ARRB1: variants seen among roughly 807,000 people sequenced by gnomAD.
ARRB1 encodes arrestin beta 1.
ARRB1 carries 21 observed loss-of-function variants against 56.8 expected under a neutral mutation model. That is an observed-to-expected ratio of 0.37 (90% CI 0.26 to 0.53). ARRB1 has a LOEUF of 0.53. Among genes scored for constraint, ARRB1 ranks in the 20% least tolerant of loss-of-function variants. The pLI is 0.88. For synonymous variants in ARRB1, 210 were observed against 218.6 expected (o/e 0.96, Z 0.35); for missense variants, 424 against 553.7 (o/e 0.77, Z 2.35).
At chr11:75,327,301 CAAA>C (rs777940901) in intron 1 of ARRB1, among the ~76,000 whole-genome samples, 4 of 60,266 alleles carry the variant, frequency 6.6e-5, no homozygotes, top group South Asian at 8.8e-4. Flanking sequence ...AACTCCATCT[CAAA>C]AAAAAAAAAA....
chr11:75,307,913 G>T (rs1947066788), intron 1 of ARRB1, among the ~76,000 whole-genome samples: 1 of 152,242 alleles, frequency 6.6e-6, no homozygotes, highest in Non-Finnish European at 1.5e-5. Context: ...ATGTGACCCA[G>T]ATGGGTATCC....
chr11:75,305,010 C>CT (rs1389773854), intron 1 of ARRB1, among the ~76,000 whole-genome samples: 82 of 104,638 alleles, frequency 7.8e-4, no homozygotes, highest in Middle Eastern at 4.7e-3. Context: ...CTTTTCTTTT[C>CT]TTTCTTTCTT....
chr11:75,276,462 G>A (rs1325326486), intron 10 of ARRB1, among the ~76,000 whole-genome samples: 1 of 152,146 alleles, frequency 6.6e-6, no homozygotes, highest in African/African-American at 2.4e-5. Context: ...CAAGAGCTGT[G>A]TACCTAGTGC....
intron 2 of ARRB1, among the ~76,000 whole-genome samples, chr11:75,289,525 C>T (rs1946555906): frequency 6.6e-6 from 1 of 152,278 alleles, no homozygotes; most frequent in East Asian, 1.9e-4. Flanking sequence ...TCAGCCCAGA[C>T]CTGGTGTGGA....
intron 7 of ARRB1, among the ~76,000 whole-genome samples, chr11:75,279,509 G>C (rs1038343964): frequency 2.0e-5 from 3 of 152,160 alleles, no homozygotes; most frequent in Admixed American, 1.3e-4. Context: ...CAGATAAGCT[G>C]CCTCCATTGC....
intron 1 of ARRB1, among the ~76,000 whole-genome samples, chr11:75,350,540 T>G (rs1271469739): frequency 6.6e-6 from 1 of 152,202 alleles, no homozygotes; most frequent in African/African-American, 2.4e-5. Context: ...TGGTCCTGTC[T>G]GAAGGGCTGC....
intron 1 of ARRB1, among the ~76,000 whole-genome samples, chr11:75,310,478 T>C (rs1377114039): frequency 6.6e-6 from 1 of 152,190 alleles, no homozygotes; most frequent in Non-Finnish European, 1.5e-5. Context: ...TTGGTCACCA[T>C]GCTACATTGT....
intron 1 of ARRB1, among the ~76,000 whole-genome samples, chr11:75,331,258 G>A (rs941923252): frequency 6.6e-6 from 1 of 152,234 alleles, no homozygotes; most frequent in East Asian, 1.9e-4. Flanking sequence ...TGATCCGTCC[G>A]CCTAGGCCTC....
intron 1 of ARRB1, among the ~76,000 whole-genome samples, chr11:75,335,635 C>T (rs1032000337): frequency 2.0e-5 from 3 of 151,830 alleles, no homozygotes; most frequent in African/African-American, 7.3e-5. Context: ...GACCTGCCTG[C>T]GGAGGTCTGC....
In ARRB1 at chr11:75,319,620, C is replaced by T. The variant is rs192570713; in HGVS notation, c.21-29581G>A. 1.8e-4 allele frequency among the ~76,000 whole-genome samples: 28 copies of T among 152,292 alleles called. 1 individual carries two copies. Among genetic ancestry groups the T allele is most frequent in the Admixed American group, 1.8e-3 (27 of 15,306 alleles). ...TTTCCTGGCTGCTCCTCCAGCCATT[C>T]ACTGCACAAAAATTTAATAAGCATC... On this transcript the variant is annotated intron_variant, in intron 1 of 15. Transcript: ENST00000420843.
chr11:75,302,780 T>C (rs1000679742), intron 1 of ARRB1, among the ~76,000 whole-genome samples: 1 of 152,154 alleles, frequency 6.6e-6, no homozygotes, highest in Non-Finnish European at 1.5e-5. Context: ...TATGATACTA[T>C]GAAATTGTCA....
chr11:75,273,097 AC>A, intron 11 of ARRB1, 119 bp from the exon 12 acceptor site: 1 of 806,052 alleles, frequency 1.2e-6, no homozygotes, highest in Non-Finnish European at 2.1e-6. Flanking sequence ...CCACTCAGCT[AC>A]CATGTCCAAT....
intron 1 of ARRB1, among the ~76,000 whole-genome samples, chr11:75,332,820 G>T (rs549582791): frequency 1.3e-5 from 2 of 152,032 alleles, no homozygotes; most frequent in East Asian, 1.9e-4. Flanking sequence ...ACTTGAACCC[G>T]GGAGGCGGAG....
chr11:75,350,489 C>CGGGGAAAATAGGGTGGCA (rs1947830078), intron 1 of ARRB1, among the ~76,000 whole-genome samples: 2 of 152,108 alleles, frequency 1.3e-5, no homozygotes, highest in Non-Finnish European at 2.9e-5. Flanking sequence ...GGGAGGGCAA[C>CGGGGAAAATAGGGTGGCA]GGGGAAAATA....
intron 6 of ARRB1, chr11:75,281,705 T>G: frequency 5.8e-6 from 3 of 514,662 alleles, no homozygotes; most frequent in Non-Finnish European, 1.0e-5. Flanking sequence ...CAGAACACTT[T>G]GGTCCTGTTG....
Position 75,278,728 on chromosome 11 carries a change from C to T in ARRB1, c.499G>A (p.Val167Ile). 5 of 1,610,500 alleles carry T rather than the reference C, an allele frequency of 3.1e-6. No individual in the cohort carries two copies. Among genetic ancestry groups the T allele is most frequent in the Non-Finnish European group, 4.2e-6 (5 of 1,177,906 alleles). The change falls in exon 8 of 16, where the codon GTC (valine) becomes ATC (isoleucine). Residue 167 changes from valine (V) to isoleucine (I), a missense_variant. Val to Ile is a conservative substitution (Grantham distance 29). Transcript: ENST00000420843. ...KIHKRNSVRL[V>I]IRKVQYAPER... ...GGGGCATACTGAACCTTCCGGATGA[C>T]CAGACGCACAGAATTCCTAATGGAG...
In ARRB1 at chr11:75,330,199, G is replaced by A. The variant is rs547810487; in HGVS notation, c.20+21389C>T. Among the ~76,000 whole-genome samples, 5 of 152,304 alleles carry A rather than the reference G, an allele frequency of 3.3e-5. No homozygotes were observed. The East Asian group carries it at 9.6e-4, about 29-fold the overall frequency. On this transcript the variant is annotated intron_variant, in intron 1 of 15. Transcript: ENST00000420843. ...AGATCCTGCTGCTCCTGCAAGCTGTGTGTTCAGACAAATTGCTGAACTTAG... is the reference window on the plus strand; with the variant it reads ...AGATCCTGCTGCTCCTGCAAGCTGTATGTTCAGACAAATTGCTGAACTTAG...
chr11:75,325,462 C>T (rs555163730), intron 1 of ARRB1, among the ~76,000 whole-genome samples: 13 of 152,270 alleles, frequency 8.5e-5, no homozygotes, highest in Non-Finnish European at 1.3e-4. Context: ...GCTGGGATTA[C>T]AGGCATGTAC....
Position 75,263,636 on chromosome 11 carries a change from C to A in ARRB1, c.*2527G>T, listed in dbSNP as rs950022288. Among the ~76,000 whole-genome samples the A allele has an allele frequency of 6.6e-6, 1 of 152,106 alleles. No homozygotes were observed. Among genetic ancestry groups the A allele is most frequent in the African/African-American group, 2.4e-5 (1 of 41,416 alleles). ...AGGACAGGGGCTGGGACTGACCCAT[C>A]TCTGTGGCTCCAGTACTTGGCATAG... On this transcript the variant is annotated 3_prime_UTR_variant, in exon 16 of 16. Coordinates refer to ENST00000420843, the MANE Select transcript of ARRB1 (RefSeq NM_004041.5).
Sources: allele counts gnomAD v4.1 joint callset (sites outside exome capture counted in the v4.1 genomes callset), GRCh38; gene constraint gnomAD v4.1.1; transcripts MANE v1.5; gene names NCBI Gene and HGNC (gene_info 2026-07-23, HGNC 2026-07-21).